SYNE2: variants seen among roughly 807,000 people sequenced by gnomAD.
SYNE2 encodes the protein spectrin repeat containing nuclear envelope protein 2.
SYNE2 carries 431 observed loss-of-function variants against 856.3 expected under a neutral mutation model. The ratio of observed to expected loss-of-function variants is 0.50; its 90% CI spans 0.47 to 0.55. The LOEUF (loss-of-function observed/expected upper bound fraction) is 0.55. Ranked by LOEUF, SYNE2 falls within the 20% of genes least tolerant of loss-of-function variation. The pLI is 0.00. For synonymous variants in SYNE2, 2,923 were observed against 2,872.3 expected, an observed-to-expected ratio of 1.02 and a Z score of -0.56; for missense variants, 8,129 against 8,023.2, an observed-to-expected ratio of 1.01 and a Z score of -0.50.
intron 63 of SYNE2, among the ~76,000 whole-genome samples, chr14:64,100,534 AT>A (rs1555484166): frequency 0.024 from 1,127 of 46,364 alleles, 8 homozygotes; most frequent in Non-Finnish European, 0.03. Flanking sequence ...AAAAAAAAAT[AT>A]ATATATATAT....
Position 64,024,918 on chromosome 14 carries a change from G to A in SYNE2, c.5847G>A (p.Gln1949=). ...EDSLQQLLRL[Q]DDHRNLRKWL... is the part of the protein sequence containing the mutation. ...ATGTGTAATGCTCTTTTAGACTCCA[G>A]GATGACCATAGAAACCTGAGGAAGT... Residue 1949 remains glutamine (Q), a synonymous_variant, in exon 40 of 116, where the codon CAG becomes CAA. Transcript: ENST00000555002. 6.2e-7 allele frequency: 1 copy of A among 1,613,816 alleles called. No homozygotes were observed. The highest frequency in any genetic ancestry group is 1.7e-5 in the Admixed American group (1 of 59,990).
intron 49 of SYNE2, among the ~76,000 whole-genome samples, chr14:64,059,475 A>G (rs914489295): frequency 6.6e-6 from 1 of 152,168 alleles, no homozygotes; most frequent in African/African-American, 2.4e-5. Context: ...AATTCTCTGG[A>G]TTAAGAGGCA....
rs371331280 is a variant in SYNE2, at chr14:63,961,508, T to C, written c.788-17T>C. 4.4e-6 allele frequency: 7 copies of C among 1,587,868 alleles called. No individual in the cohort carries two copies. The highest frequency in any genetic ancestry group is 1.7e-5 in the Admixed American group (1 of 59,866). ...TAAATGTGTAACAGCTAATTGATAGTGTGGTGTATCTTGCAGATGTGGATG... is the reference window on the plus strand; with the variant it reads ...TAAATGTGTAACAGCTAATTGATAGCGTGGTGTATCTTGCAGATGTGGATG... On this transcript the variant is annotated splice_polypyrimidine_tract_variant and intron_variant, in intron 8 of 115. Coordinates refer to ENST00000555002, the MANE Select transcript of SYNE2 (RefSeq NM_182914.3).
chr14:63,768,055 C>A (rs1259610747), intron 1 of SYNE2, among the ~76,000 whole-genome samples: 2 of 151,880 alleles, frequency 1.3e-5, no homozygotes, highest in African/African-American at 4.8e-5. Context: ...ATCAGCTGGG[C>A]TTTGGTGGCA....
chr14:63,916,872 C>A (rs1335826371), intron 2 of SYNE2, among the ~76,000 whole-genome samples: 2 of 151,710 alleles, frequency 1.3e-5, no homozygotes, highest in African/African-American at 4.8e-5. Context: ...CTGCTTGAGC[C>A]CAGGAGTTTG....
At chr14:64,069,615 C>T (rs898466652) in intron 51 of SYNE2, among the ~76,000 whole-genome samples, 1 of 152,164 alleles carries the variant, frequency 6.6e-6, no homozygotes, top group Non-Finnish European at 1.5e-5. Flanking sequence ...CATATACTGC[C>T]TCCTAGACCC....
At chr14:63,957,971 G>A (rs1595877632) in intron 8 of SYNE2, among the ~76,000 whole-genome samples, 2 of 152,232 alleles carry the variant, frequency 1.3e-5, no homozygotes, top group African/African-American at 4.8e-5. Context: ...GAACCCGGGA[G>A]GTGGAGGTTG....
At chr14:63,972,169 C>T (rs1443484558) in intron 11 of SYNE2, among the ~76,000 whole-genome samples, 1 of 152,186 alleles carries the variant, frequency 6.6e-6, no homozygotes, top group Non-Finnish European at 1.5e-5. Flanking sequence ...AGTTTCTATT[C>T]TGATCACCGC....
chr14:64,181,492 T>C (rs996892002), intron 96 of SYNE2, among the ~76,000 whole-genome samples: 6 of 152,196 alleles, frequency 3.9e-5, no homozygotes, highest in Non-Finnish European at 8.8e-5. Flanking sequence ...TCCAGTGGGA[T>C]CTTTTCAGCT....
chr14:63,961,862 T>A (rs995059471), intron 9 of SYNE2, among the ~76,000 whole-genome samples: 1 of 151,954 alleles, frequency 6.6e-6, no homozygotes, highest in African/African-American at 2.4e-5. Context: ...TAATTTCTTT[T>A]ACTGTAGATT....
intron 11 of SYNE2, among the ~76,000 whole-genome samples, chr14:63,974,886 GTGTGTGTATATATATA>G (rs1422068770): frequency 1.5e-4 from 4 of 26,302 alleles, no homozygotes; most frequent in African/African-American, 3.7e-4. Flanking sequence ...GTGTGTGTGT[GTGTGTGTATATATATA>G]TATATATATA....
Position 64,049,631 on chromosome 14 carries a change from A to C in SYNE2, c.7398A>C (p.Glu2466Asp). 1.2e-6 allele frequency: 2 copies of C among 1,614,108 alleles called. No homozygotes were observed. Among genetic ancestry groups the C allele is most frequent in the Non-Finnish European group, 1.7e-6 (2 of 1,180,014 alleles). Residue 2466 changes from glutamate (E) to aspartate (D), a missense_variant, in exon 47 of 116, where the codon GAA (glutamate) becomes GAC (aspartate). This residue lies in a region of SYNE2 where 5,410 missense variants were observed against 5,284.8 expected (regional missense o/e 1.02). Transcript: ENST00000555002. ...EEIEKLYTQL[E>D]AKKAAIKPLE... The stretch of plus-strand genomic sequence containing the variant: ...TTTAGAAATTATATACCCAGTTGGA[A>C]GCAAAGAAAGCAGCCATTAAGCCAC...
intron 64 of SYNE2, among the ~76,000 whole-genome samples, chr14:64,103,385 A>G (rs927767780): frequency 4.1e-5 from 6 of 147,814 alleles, no homozygotes; most frequent in African/African-American, 1.5e-4. Flanking sequence ...ACAAAGTAGT[A>G]TGTAAGATAA....
intron 89 of SYNE2, 24 bp downstream of exon 89, chr14:64,163,605 G>T: frequency 6.2e-7 from 1 of 1,613,356 alleles, no homozygotes; most frequent in Non-Finnish European, 8.5e-7. Context: ...TTCCATTCAA[G>T]TTTTAGTCTT....
intron 71 of SYNE2, 76 bp from the exon 72 acceptor site, chr14:64,126,251 T>C (rs912998734): frequency 1.5e-6 from 2 of 1,348,186 alleles, no homozygotes; most frequent in African/African-American, 2.9e-5. Context: ...TAAACTATAA[T>C]GGAAACTAGG....
chr14:64,004,399 C>T (rs1007002487), intron 30 of SYNE2, among the ~76,000 whole-genome samples: 2 of 151,444 alleles, frequency 1.3e-5, no homozygotes, highest in Non-Finnish European at 1.5e-5. Flanking sequence ...GGCATGATCT[C>T]GGCTCGCTGC....
chr14:64,106,275 C>T lies in SYNE2; in HGVS notation c.12493-1216C>T, dbSNP rs181783093. On this transcript the variant is annotated intron_variant, in intron 64 of 115. Transcript: ENST00000555002. The stretch of plus-strand genomic sequence containing the variant: ...ATTGGCTTTTGTAACTCTTCTTTTG[C>T]GACTTGCTTGTTCCTACCATTTGAC... Among the ~76,000 whole-genome samples, 220 of 152,016 alleles carry T rather than the reference C, an allele frequency of 1.4e-3. 1 individual carries two copies. Among genetic ancestry groups the T allele is most frequent in the African/African-American group, 4.9e-3 (205 of 41,456 alleles).
At chr14:63,998,494 T>A (rs1170785470) in intron 26 of SYNE2, among the ~76,000 whole-genome samples, 166 bp downstream of exon 26, 1 of 152,246 alleles carries the variant, frequency 6.6e-6, no homozygotes, top group African/African-American at 2.4e-5. Flanking sequence ...ACAGTAATTT[T>A]AAAATATTTC....
In SYNE2 at chr14:64,056,229, A is replaced by T. The variant is rs1287900027; in HGVS notation, c.10030A>T (p.Lys3344Ter). 6.2e-7 allele frequency: 1 copy of T among 1,614,164 alleles called. No homozygotes were observed. The highest frequency in any genetic ancestry group is 1.7e-5 in the Admixed American group (1 of 60,018). The stretch of plus-strand genomic sequence containing the variant: ...ACTAGTTTCTAAGAACTCAGCAATG[A>T]AGGAAGCTTTCAAAGCACAGGAAAC... The part of the protein sequence containing the change: ...QELVSKNSAM[K>*]EAFKAQETEA... The change falls in exon 49 of 116, where the codon AAG becomes TAG. Residue 3344 changes from lysine (K) to a stop codon, truncating the protein, a stop_gained. Transcript: ENST00000555002. LOFTEE classifies it high-confidence loss of function.
Sources: gnomAD v4.1 joint callset for allele counts (sites outside exome capture counted in the v4.1 genomes callset) on GRCh38, gnomAD v4.1.1 for gene constraint, gnomAD v4.1.1 regional missense constraint, MANE v1.5 for transcripts, NCBI Gene and HGNC (gene_info 2026-07-23, HGNC 2026-07-21) for gene names.